The following ORC3 variants were observed in gnomAD, a reference collection of about 807,000 sequenced individuals.
ORC3 encodes the protein origin recognition complex subunit 3.
Under a neutral mutation model 100.7 loss-of-function variants are expected in ORC3, and 78 were observed. That is an observed-to-expected ratio of 0.77 (90% CI 0.65 to 0.94). ORC3 has a LOEUF of 0.94. Ranked by LOEUF, ORC3 falls within the 40% of genes least tolerant of loss-of-function variation. The pLI, the probability that ORC3 is intolerant of heterozygous loss-of-function variation, is 0.00. For missense variants in ORC3, 789 were observed against 823.9 expected (o/e 0.96, Z 0.52); for synonymous variants, 295 against 289.3 (o/e 1.02, Z -0.20).
At chr6:87,633,631 T>C (rs538450692) in intron 11 of ORC3, among the ~76,000 whole-genome samples, 1 of 152,146 alleles carries the variant, frequency 6.6e-6, no homozygotes, top group Non-Finnish European at 1.5e-5. Flanking sequence ...TTTATTGATA[T>C]CTGAGTTATT....
In ORC3 at chr6:87,609,095, G is replaced by A; in HGVS notation, c.580-1G>A. ...TCTTTCTTTCTGCAATGGCTTAAAA[G>A]AAGACGGACCCAAAAATGCTAAGCA... On this transcript the variant is annotated splice_acceptor_variant, in intron 6 of 19. Transcript: ENST00000392844. LOFTEE classifies it high-confidence loss of function. The A allele has an allele frequency of 4.4e-6, 7 of 1,597,940 alleles. No homozygotes were observed. The highest frequency in any genetic ancestry group is 6.0e-6 in the Non-Finnish European group (7 of 1,175,684).
At chr6:87,676,462 A>C in the ORC3 span, among the ~76,000 whole-genome samples, 1 of 133,684 alleles carries the variant, frequency 7.5e-6, no homozygotes, top group African/African-American at 2.9e-5. Context: ...AAAAAAAAAA[A>C]AAAAAAAAAC....
downstream of ORC3, among the ~76,000 whole-genome samples, chr6:87,668,508 T>C (rs1221685746): frequency 6.6e-6 from 1 of 152,118 alleles, no homozygotes; most frequent in African/African-American, 2.4e-5. Context: ...CACTTAAGAT[T>C]TAGGATTTGG....
At chr6:87,652,159 A>G (rs990979991) in intron 13 of ORC3, among the ~76,000 whole-genome samples, 1 of 152,140 alleles carries the variant, frequency 6.6e-6, no homozygotes, top group African/African-American at 2.4e-5. Context: ...CGGCCTCCCA[A>G]AGTGCTGGGA....
At chr6:87,649,977 TTAATA>T (rs1769118196) in intron 13 of ORC3, among the ~76,000 whole-genome samples, 1 of 152,056 alleles carries the variant, frequency 6.6e-6, no homozygotes, top group Non-Finnish European at 1.5e-5. Context: ...ATTATGTAGT[TTAATA>T]TAAGATATTG....
chr6:87,621,883 A>C, intron 10 of ORC3, 67 bp from the exon 11 acceptor site: 1 of 1,089,382 alleles, frequency 9.2e-7, no homozygotes, highest in Non-Finnish European at 1.4e-6. Flanking sequence ...CTTTTTCCCA[A>C]TATGCTATTT....
At chr6:87,636,232 G>A (rs1217187319) in intron 12 of ORC3, among the ~76,000 whole-genome samples, 175 bp from the exon 13 acceptor site, 11 of 152,042 alleles carry the variant, frequency 7.2e-5, no homozygotes, top group Non-Finnish European at 1.3e-4. Flanking sequence ...GCGCCTGGCC[G>A]TAAATTGCAT....
intron 11 of ORC3, among the ~76,000 whole-genome samples, chr6:87,623,878 T>C (rs761700534): frequency 2.6e-5 from 4 of 151,096 alleles, no homozygotes; most frequent in Non-Finnish European, 4.4e-5. Context: ...AGCAAGACTC[T>C]GTCTTTAAAA....
At chr6:87,641,625 G>A (rs976307021) in intron 13 of ORC3, among the ~76,000 whole-genome samples, 2 of 152,168 alleles carry the variant, frequency 1.3e-5, no homozygotes, top group African/African-American at 2.4e-5. Context: ...CTTACAAATC[G>A]AAGGTGATTG....
intron 9 of ORC3, among the ~76,000 whole-genome samples, chr6:87,617,340 C>T (rs1198617963): frequency 6.6e-6 from 1 of 152,070 alleles, no homozygotes; most frequent in Non-Finnish European, 1.5e-5. Flanking sequence ...TAAAAAAGAT[C>T]CCCATTCTCC....
At chr6:87,595,480 A>ATC (rs1486162106) in intron 2 of ORC3, 4 of 152,184 alleles carry the variant, frequency 2.6e-5, no homozygotes, top group Non-Finnish European at 5.9e-5. Context: ...CAAGACTCCT[A>ATC]TCTCTCACTA....
intron 13 of ORC3, among the ~76,000 whole-genome samples, chr6:87,642,388 C>T (rs547398758): frequency 2.0e-5 from 3 of 151,712 alleles, no homozygotes; most frequent in Non-Finnish European, 4.4e-5. Context: ...GTCAGGAGTT[C>T]GAGACCAGCC....
At chr6:87,656,568 CAG>C (rs1396041694) in intron 14 of ORC3, among the ~76,000 whole-genome samples, 2 of 151,488 alleles carry the variant, frequency 1.3e-5, no homozygotes, top group African/African-American at 4.9e-5. Context: ...GCCTGGGCAA[CAG>C]AGCAAGACTC....
At chr6:87,669,686 C>T (rs1260842644), downstream of ORC3, among the ~76,000 whole-genome samples, 6 of 152,168 alleles carry the variant, frequency 3.9e-5, no homozygotes, top group Admixed American at 6.5e-5. Flanking sequence ...AATATTTTTT[C>T]GCAATATTCT....
intron 14 of ORC3, among the ~76,000 whole-genome samples, 176 bp downstream of exon 14, chr6:87,653,425 T>G (rs951864941): frequency 6.6e-5 from 10 of 152,218 alleles, no homozygotes; most frequent in African/African-American, 2.4e-4. Flanking sequence ...GGCCAAATGT[T>G]TCTCTTCTAG....
chr6:87,654,649 G>A (rs1769530408), intron 14 of ORC3, among the ~76,000 whole-genome samples: 1 of 152,170 alleles, frequency 6.6e-6, no homozygotes, highest in South Asian at 2.1e-4. Context: ...GTGATCACTG[G>A]ATCAGCAAGG....
At chr6:87,646,262 A>G (rs1353314690) in intron 13 of ORC3, among the ~76,000 whole-genome samples, 1 of 152,132 alleles carries the variant, frequency 6.6e-6, no homozygotes. Flanking sequence ...CTGGGATTAC[A>G]GGCGTGAGCT....
chr6:87,592,068 G>A (rs62417699), intron 1 of ORC3, among the ~76,000 whole-genome samples: 10,963 of 152,130 alleles, frequency 0.072, 549 homozygotes, highest in African/African-American at 0.15. Context: ...CTCTTTCATC[G>A]TGAAATTTTC....
At chr6:87,590,720 A>G (rs2128239743) in intron 1 of ORC3, among the ~76,000 whole-genome samples, 1 of 152,322 alleles carries the variant, frequency 6.6e-6, no homozygotes. Context: ...CTGAAAAATG[A>G]GTAGAAGTTA....
Sources: gnomAD v4.1 joint callset for allele counts (sites outside exome capture counted in the v4.1 genomes callset) on GRCh38, gnomAD v4.1.1 for gene constraint, MANE v1.5 for transcripts, NCBI Gene and HGNC (gene_info 2026-07-23, HGNC 2026-07-21) for gene names.